Variants in CHKA observed in about 807,000 individuals in gnomAD.
The protein encoded by CHKA is choline kinase alpha.
CHKA carries 34 observed loss-of-function variants against 60.1 expected under a neutral mutation model. The ratio of observed to expected loss-of-function variants is 0.57; its 90% CI spans 0.43 to 0.75. The LOEUF (loss-of-function observed/expected upper bound fraction) is 0.75, where lower values mean the gene tolerates loss of function less well. Among genes scored for constraint, CHKA ranks in the 30% least tolerant of loss-of-function variants. The pLI is 0.00. For missense variants in CHKA, 563 were observed against 561.3 expected, an observed-to-expected ratio of 1.00 and a Z score of -0.03; for synonymous variants, 217 against 223.1, an observed-to-expected ratio of 0.97 and a Z score of 0.24.
chr11:68,121,137 G>C lies in CHKA; in HGVS notation c.41C>G (p.Ser14Trp). The C allele has an allele frequency of 1.7e-6, 2 of 1,209,966 alleles. No homozygotes were observed. Among genetic ancestry groups the C allele is most frequent in the Non-Finnish European group, 2.1e-6 (2 of 966,652 alleles). The allele number at this position is 1,209,966 out of a possible 1,614,324, so 75.0% of individuals were successfully genotyped here. A position where few individuals can be genotyped will look rare whatever the true frequency, so the allele number is the denominator to read the frequency against. Residue 14 changes from serine (S) to tryptophan (W), a missense_variant, in exon 1 of 12, where the codon TCG becomes TGG. By Grantham distance (177) the Ser-to-Trp change is radical. Coordinates refer to ENST00000265689, the MANE Select transcript of CHKA (RefSeq NM_001277.3). Reference protein sequence around the residue: ...KFCTGGEAEPSPLGLLLSCGS... With the variant: ...KFCTGGEAEPWPLGLLLSCGS... ...GCAGCTCAGCAGCAGCCCGAGCGGC[G>C]AGGGCTCCGCCTCGCCCCCGGTGCA...
chr11:68,086,061 T>C (rs1394234064), intron 2 of CHKA, among the ~76,000 whole-genome samples: 5 of 151,070 alleles, frequency 3.3e-5, no homozygotes, highest in Non-Finnish European at 5.9e-5. Context: ...ACGCCTGTAA[T>C]CCCAACACTT....
chr11:68,057,813 T>C (rs1333681973), intron 11 of CHKA, among the ~76,000 whole-genome samples: 1 of 152,246 alleles, frequency 6.6e-6, no homozygotes, highest in African/African-American at 2.4e-5. Context: ...TTAAATTACC[T>C]TGGCCTTTCT....
At chr11:68,070,703 C>G (rs527698957) in intron 5 of CHKA, 21 bp downstream of exon 5, 2 of 1,605,924 alleles carry the variant, frequency 1.2e-6, no homozygotes, top group Admixed American at 1.7e-5. Context: ...TATGTTAGGA[C>G]CAAGTGATTT....
At chr11:68,112,181 C>G (rs1385431224) in intron 1 of CHKA, among the ~76,000 whole-genome samples, 1 of 149,822 alleles carries the variant, frequency 6.7e-6, no homozygotes, top group Non-Finnish European at 1.5e-5. Context: ...ATATAAAATG[C>G]AAAACTAGAT....
intron 2 of CHKA, among the ~76,000 whole-genome samples, chr11:68,094,817 A>T (rs1857447649): frequency 6.6e-6 from 1 of 152,200 alleles, no homozygotes; most frequent in African/African-American, 2.4e-5. Flanking sequence ...ACCTTCAAAC[A>T]TACTAACTTG....
chr11:68,107,292 G>A (rs1032468150), intron 1 of CHKA, among the ~76,000 whole-genome samples: 1 of 151,728 alleles, frequency 6.6e-6, no homozygotes, highest in African/African-American at 2.4e-5. Flanking sequence ...GGCGAGATGC[G>A]GGTACAAAAT....
intron 1 of CHKA, among the ~76,000 whole-genome samples, chr11:68,108,915 T>A (rs898444744): frequency 1.3e-5 from 2 of 151,960 alleles, no homozygotes; most frequent in Non-Finnish European, 2.9e-5. Context: ...TGTGGACAAC[T>A]GTGAGAGTTT....
chr11:68,105,393 T>C (rs1281664599), intron 1 of CHKA, among the ~76,000 whole-genome samples: 2 of 151,048 alleles, frequency 1.3e-5, no homozygotes, highest in Admixed American at 6.6e-5. Context: ...CAGACACCTA[T>C]AGTCCCAACT....
chr11:68,119,498 G>GTC (rs1239463781), intron 1 of CHKA, among the ~76,000 whole-genome samples: 3 of 152,126 alleles, frequency 2.0e-5, no homozygotes, highest in African/African-American at 7.2e-5. Flanking sequence ...TTTTGAGACA[G>GTC]TCTCTCTCTG....
At chr11:68,054,593 G>A (rs200443265) in intron 11 of CHKA, among the ~76,000 whole-genome samples, 1 of 152,074 alleles carries the variant, frequency 6.6e-6, no homozygotes, top group East Asian at 1.9e-4. Flanking sequence ...GTTGTGTGAG[G>A]ACAACACAAT....
At chr11:68,115,170 T>A (rs1044945525) in intron 1 of CHKA, among the ~76,000 whole-genome samples, 3 of 152,216 alleles carry the variant, frequency 2.0e-5, no homozygotes, top group Non-Finnish European at 2.9e-5. Flanking sequence ...AATGTGTAAG[T>A]GTTCTGGCAA....
intron 1 of CHKA, among the ~76,000 whole-genome samples, chr11:68,110,553 T>C (rs1858093257): frequency 6.6e-6 from 1 of 152,200 alleles, no homozygotes; most frequent in Non-Finnish European, 1.5e-5. Context: ...AATGTGTATT[T>C]TGTTATGTCA....
At chr11:68,088,631 A>G (rs1433872559) in intron 2 of CHKA, among the ~76,000 whole-genome samples, 2 of 152,100 alleles carry the variant, frequency 1.3e-5, no homozygotes, top group Non-Finnish European at 2.9e-5. Flanking sequence ...AACATTTTGC[A>G]GTATATTTTC....
At chr11:68,104,965 G>A (rs917117003) in intron 1 of CHKA, among the ~76,000 whole-genome samples, 9 of 151,662 alleles carry the variant, frequency 5.9e-5, no homozygotes, top group African/African-American at 2.2e-4. Context: ...TTAGCCAGGC[G>A]TGGTGGCACA....
At position 68,064,571 on chromosome 11, in the gene CHKA, C is replaced by T; in HGVS notation, c.1186G>A (p.Glu396Lys). Residue 396 changes from glutamate to lysine, a missense_variant, in exon 10 of 12, where the codon GAA (glutamate) becomes AAA (lysine). Physicochemically the swap from Glu to Lys is moderately conservative, Grantham distance 56 (BLOSUM62 1). Coordinates refer to ENST00000265689, the MANE Select transcript of CHKA (RefSeq NM_001277.3). ...TCTTCTTTTATAATGGATTTTTCTT[C>T]AGTACTGAGGTTTTCAAAGTCATTT... ...FQNDFENLST[E>K]EKSIIKEEML... 6.3e-7 allele frequency: 1 copy of T among 1,587,142 alleles called. No homozygotes were observed. Among genetic ancestry groups the T allele is most frequent in the Non-Finnish European group, 8.5e-7 (1 of 1,171,052 alleles).
intron 4 of CHKA, among the ~76,000 whole-genome samples, chr11:68,072,271 G>A (rs943776193): frequency 3.3e-5 from 5 of 152,128 alleles, no homozygotes; most frequent in Admixed American, 1.3e-4. Flanking sequence ...TAAGCCAGGC[G>A]TGGTGGCTCA....
chr11:68,113,759 C>A (rs1026120861), intron 1 of CHKA, among the ~76,000 whole-genome samples: 5 of 151,956 alleles, frequency 3.3e-5, no homozygotes, highest in Admixed American at 1.3e-4. Flanking sequence ...CTTTGGGAGG[C>A]CGAGGCAGGT....
intron 2 of CHKA, among the ~76,000 whole-genome samples, chr11:68,094,636 A>C (rs1857443573): frequency 6.6e-6 from 1 of 152,230 alleles, no homozygotes; most frequent in Non-Finnish European, 1.5e-5. Flanking sequence ...TTTAAAACCC[A>C]AGCTGCATGG....
At chr11:68,089,318 C>T (rs1277867013) in intron 2 of CHKA, among the ~76,000 whole-genome samples, 3 of 152,188 alleles carry the variant, frequency 2.0e-5, no homozygotes, top group East Asian at 1.9e-4. Context: ...AACACTTTTA[C>T]GGGAAGTGTG....
Sources: allele counts gnomAD v4.1 joint callset (sites outside exome capture counted in the v4.1 genomes callset), GRCh38; gene constraint gnomAD v4.1.1; transcripts MANE v1.5; gene names NCBI Gene and HGNC (gene_info 2026-07-23, HGNC 2026-07-21).